CNTN1: variants seen among roughly 807,000 people sequenced by gnomAD.
The protein encoded by CNTN1 is contactin 1.
In CNTN1, 38 loss-of-function variants were observed where a neutral mutation model predicts 126.4. That is an observed-to-expected ratio of 0.30 (90% CI 0.23 to 0.39). CNTN1 has a LOEUF of 0.39. Ranked by LOEUF, CNTN1 falls within the 10% of genes least tolerant of loss-of-function variation. The pLI is 1.00. For synonymous variants in CNTN1, 413 were observed against 422.6 expected, an observed-to-expected ratio of 0.98 and a Z score of 0.28; for missense variants, 1,009 against 1,248.4, an observed-to-expected ratio of 0.81 and a Z score of 2.89.
intron 3 of CNTN1, among the ~76,000 whole-genome samples, chr12:40,911,167 A>G (rs4768321): frequency 0.066 from 9,955 of 151,820 alleles, 532 homozygotes; most frequent in Admixed American, 0.16. Context: ...TGCAAGCTCC[A>G]CCTCCGGGAT....
chr12:41,009,518 T>A (rs912511625), intron 17 of CNTN1, among the ~76,000 whole-genome samples: 3 of 152,150 alleles, frequency 2.0e-5, no homozygotes, highest in Non-Finnish European at 2.9e-5. Flanking sequence ...ACTCCCAAGG[T>A]CATTTCCTTC....
chr12:40,735,198 C>T (rs1025813083), intron 1 of CNTN1, among the ~76,000 whole-genome samples: 2 of 151,984 alleles, frequency 1.3e-5, no homozygotes, highest in Non-Finnish European at 2.9e-5. Context: ...TCTCAGTAGA[C>T]ATATATTCAA....
intron 15 of CNTN1, among the ~76,000 whole-genome samples, chr12:40,967,507 C>CA (rs1370295118): frequency 6.6e-6 from 1 of 151,876 alleles, no homozygotes; most frequent in Non-Finnish European, 1.5e-5. Flanking sequence ...AACAAACAAA[C>CA]AAAAAATAAC....
intron 1 of CNTN1, among the ~76,000 whole-genome samples, chr12:40,847,971 C>T (rs886946457): frequency 1.3e-5 from 2 of 152,282 alleles, no homozygotes; most frequent in African/African-American, 4.8e-5. Context: ...ATAGAGTTTG[C>T]GCTCCTGTGA....
chr12:40,945,082 A>G (rs982043594), intron 14 of CNTN1, among the ~76,000 whole-genome samples: 46 of 152,048 alleles, frequency 3.0e-4, no homozygotes, highest in African/African-American at 1.1e-3. Flanking sequence ...TTTTAGCTTT[A>G]GAAGAGTTGT....
At chr12:40,785,985 A>T (rs1054903223) in intron 1 of CNTN1, among the ~76,000 whole-genome samples, 1 of 152,138 alleles carries the variant, frequency 6.6e-6, no homozygotes, top group African/African-American at 2.4e-5. Context: ...CAGAAGGGAC[A>T]AACACCCAAA....
intron 1 of CNTN1, among the ~76,000 whole-genome samples, chr12:40,776,027 T>C (rs1451355626): frequency 2.0e-5 from 3 of 151,658 alleles, no homozygotes; most frequent in Admixed American, 1.3e-4. Flanking sequence ...ATTGTAAAAG[T>C]TACAATAGCA....
chr12:41,010,653 G>A (rs936433434), intron 17 of CNTN1, among the ~76,000 whole-genome samples: 6 of 152,128 alleles, frequency 3.9e-5, no homozygotes, highest in African/African-American at 1.4e-4. Context: ...AGCTGTCCTC[G>A]ACTGATTCAG....
chr12:40,699,611 AT>A (rs764763518), intron 1 of CNTN1, among the ~76,000 whole-genome samples: 5 of 152,192 alleles, frequency 3.3e-5, no homozygotes, highest in Non-Finnish European at 5.9e-5. Flanking sequence ...GGCAAAGTTA[AT>A]TTCACTTTTC....
chr12:40,882,611 C>G (rs1445642372), intron 1 of CNTN1, among the ~76,000 whole-genome samples: 1 of 151,590 alleles, frequency 6.6e-6, no homozygotes, highest in Admixed American at 6.6e-5. Context: ...ATAATCTCAT[C>G]TGGACCTCTT....
intron 23 of CNTN1, among the ~76,000 whole-genome samples, chr12:41,054,783 C>T (rs914226826): frequency 3.9e-5 from 6 of 151,998 alleles, no homozygotes; most frequent in African/African-American, 1.2e-4. Context: ...TCAAGTCATG[C>T]AATATATTTT....
At chr12:40,891,079 C>A (rs1475695845) in intron 1 of CNTN1, among the ~76,000 whole-genome samples, 1 of 152,064 alleles carries the variant, frequency 6.6e-6, no homozygotes, top group Non-Finnish European at 1.5e-5. Context: ...GTAGTGATAT[C>A]TTTTTATCAT....
chr12:40,895,981 T>A (rs1200700582), intron 1 of CNTN1: 2 of 151,948 alleles, frequency 1.3e-5, no homozygotes, highest in Admixed American at 1.3e-4. Flanking sequence ...TTAGCCAAGA[T>A]GGTCTCGATC....
intron 1 of CNTN1, among the ~76,000 whole-genome samples, chr12:40,704,239 A>G (rs115452710): frequency 0.01 from 1,533 of 152,312 alleles, 26 homozygotes; most frequent in African/African-American, 0.035. Flanking sequence ...GACACTAGCT[A>G]TGAAAGGGCT....
chr12:40,701,937 A>G (rs1941605772), intron 1 of CNTN1, among the ~76,000 whole-genome samples: 2 of 152,336 alleles, frequency 1.3e-5, no homozygotes, highest in Non-Finnish European at 2.9e-5. Flanking sequence ...TTTCAGAAGA[A>G]AGAATCTTGT....
intron 1 of CNTN1, among the ~76,000 whole-genome samples, chr12:40,761,198 T>C (rs4768307): frequency 0.11 from 16,060 of 152,148 alleles, 1,006 homozygotes; most frequent in Admixed American, 0.21. Context: ...CAGATTTATC[T>C]AAAGACTTCC....
intron 1 of CNTN1, among the ~76,000 whole-genome samples, chr12:40,766,356 T>TA (rs11381914): frequency 0.68 from 91,000 of 133,670 alleles, 31,571 homozygotes; most frequent in East Asian, 0.82. Flanking sequence ...AACTCCGTCT[T>TA]AAAAAAAAAA....
intron 16 of CNTN1, among the ~76,000 whole-genome samples, chr12:40,984,269 A>C (rs534620647): frequency 2.0e-4 from 31 of 151,976 alleles, no homozygotes; most frequent in Non-Finnish European, 3.7e-4. Flanking sequence ...ACTACTTCTA[A>C]TCCTCCTCAC....
At chr12:40,740,819 A>C (rs1054825065) in intron 1 of CNTN1, among the ~76,000 whole-genome samples, 54 of 152,118 alleles carry the variant, frequency 3.5e-4, no homozygotes, top group African/African-American at 1.2e-3. Context: ...TATAAAGGGC[A>C]GTTCCCCTGC....
Sources: gnomAD v4.1 joint callset for allele counts (sites outside exome capture counted in the v4.1 genomes callset) on GRCh38, gnomAD v4.1.1 for gene constraint, MANE v1.5 for transcripts, NCBI Gene and HGNC (gene_info 2026-07-23, HGNC 2026-07-21) for gene names.